The following DPYD variants were observed in gnomAD, a reference collection of about 807,000 sequenced individuals.
DPYD encodes dihydropyrimidine dehydrogenase [NADP(+)].
DPYD carries 109 observed loss-of-function variants against 116.2 expected under a neutral mutation model. The ratio of observed to expected loss-of-function variants is 0.94; its 90% CI spans 0.80 to 1.10. The LOEUF (loss-of-function observed/expected upper bound fraction) is 1.10, where lower values mean the gene tolerates loss of function less well. Among genes scored for constraint, DPYD ranks in the 50% least tolerant of loss-of-function variants. DPYD has a pLI of 0.00. For missense variants in DPYD, 1,302 were observed against 1,254.5 expected, an observed-to-expected ratio of 1.04 and a Z score of -0.57; for synonymous variants, 440 against 432.0, an observed-to-expected ratio of 1.02 and a Z score of -0.23.
intron 2 of DPYD, among the ~76,000 whole-genome samples, chr1:97,876,509 C>A (rs1225214822): frequency 6.6e-6 from 1 of 151,974 alleles, no homozygotes; most frequent in African/African-American, 2.4e-5. Context: ...TCTTTCCCAT[C>A]CCAAATAGGA....
intron 14 of DPYD, among the ~76,000 whole-genome samples, chr1:97,387,577 C>T (rs1004559900): frequency 6.6e-6 from 1 of 151,992 alleles, no homozygotes; most frequent in Admixed American, 6.6e-5. Flanking sequence ...AGGAGGAGAG[C>T]ATGACAGAGA....
chr1:97,344,188 A>AAGAG (rs372083791), intron 16 of DPYD, among the ~76,000 whole-genome samples: 27 of 151,082 alleles, frequency 1.8e-4, no homozygotes, highest in African/African-American at 2.7e-4. Flanking sequence ...AAATAAAAAA[A>AAGAG]AGAGAGAGAG....
intron 20 of DPYD, among the ~76,000 whole-genome samples, chr1:97,110,436 G>A (rs141915525): frequency 3.9e-5 from 6 of 152,052 alleles, no homozygotes; most frequent in East Asian, 3.9e-4. Flanking sequence ...TCCACCTCAC[G>A]TACCCTGTGA....
intron 21 of DPYD, among the ~76,000 whole-genome samples, chr1:97,085,293 C>T (rs1290613301): frequency 6.6e-6 from 1 of 152,124 alleles, no homozygotes; most frequent in East Asian, 1.9e-4. Context: ...GTGTATAAGC[C>T]TTCTTCAAAA....
At chr1:97,397,956 T>G (rs553129528) in intron 14 of DPYD, among the ~76,000 whole-genome samples, 1 of 147,672 alleles carries the variant, frequency 6.8e-6, no homozygotes, top group Non-Finnish European at 1.5e-5. Context: ...TTTTTTTTTT[T>G]AAATTATACT....
chr1:97,145,950 T>C (rs1287791312), intron 20 of DPYD, among the ~76,000 whole-genome samples: 2 of 152,032 alleles, frequency 1.3e-5, no homozygotes, highest in Non-Finnish European at 2.9e-5. Flanking sequence ...AAGGCTTCAA[T>C]TGAGTCTACT....
At chr1:97,325,496 C>T (rs752788724) in intron 16 of DPYD, among the ~76,000 whole-genome samples, 1 of 152,038 alleles carries the variant, frequency 6.6e-6, no homozygotes, top group South Asian at 2.1e-4. Flanking sequence ...TGAGCACTTG[C>T]AACTATCCTG....
At chr1:97,614,513 C>A (rs560417532) in intron 8 of DPYD, among the ~76,000 whole-genome samples, 23 of 152,086 alleles carry the variant, frequency 1.5e-4, no homozygotes, top group African/African-American at 5.5e-4. Context: ...GGACAATTAG[C>A]CCCTAGAAGG....
At chr1:97,137,342 T>C (rs11165789) in intron 20 of DPYD, among the ~76,000 whole-genome samples, 23,659 of 152,250 alleles carry the variant, frequency 0.16, 2,083 homozygotes, top group East Asian at 0.31. Flanking sequence ...TTTAATGTGG[T>C]TGTTAAATTT....
At chr1:97,587,740 C>T (rs1159669893) in intron 10 of DPYD, among the ~76,000 whole-genome samples, 2 of 149,258 alleles carry the variant, frequency 1.3e-5, no homozygotes, top group East Asian at 4.0e-4. Context: ...AGGAGAATGG[C>T]GTGAACCCGG....
intron 12 of DPYD, among the ~76,000 whole-genome samples, chr1:97,531,173 T>C (rs1401221486): frequency 2.0e-5 from 3 of 152,192 alleles, no homozygotes; most frequent in Non-Finnish European, 4.4e-5. Flanking sequence ...TGGTGTCATA[T>C]CCATGAAATT....
intron 19 of DPYD, among the ~76,000 whole-genome samples, chr1:97,205,797 A>AATGTCTGG (rs1184529611): frequency 2.0e-5 from 3 of 151,998 alleles, no homozygotes; most frequent in African/African-American, 7.2e-5. Flanking sequence ...TAGAAACCCT[A>AATGTCTGG]CTGCTGGAGT....
At chr1:97,877,570 A>G (rs1457850980) in intron 2 of DPYD, among the ~76,000 whole-genome samples, 2 of 152,010 alleles carry the variant, frequency 1.3e-5, no homozygotes. Flanking sequence ...AGTTGCAAAG[A>G]ATCTGTTTTT....
At chr1:97,768,057 T>C (rs559173033) in intron 3 of DPYD, among the ~76,000 whole-genome samples, 1 of 152,248 alleles carries the variant, frequency 6.6e-6, no homozygotes, top group Admixed American at 6.5e-5. Flanking sequence ...AATGCTCAAG[T>C]AAAGAAGGAC....
intron 20 of DPYD, among the ~76,000 whole-genome samples, chr1:97,141,828 G>A (rs527532143): frequency 2.0e-4 from 30 of 152,198 alleles, no homozygotes; most frequent in African/African-American, 5.5e-4. Context: ...CCTCTGTGTC[G>A]TGTTAACTGG....
intron 5 of DPYD, among the ~76,000 whole-genome samples, chr1:97,719,494 T>C (rs1350129082): frequency 1.3e-5 from 2 of 151,956 alleles, no homozygotes; most frequent in Non-Finnish European, 2.9e-5. Context: ...ACAATCAAAA[T>C]ATAAAATTAT....
chr1:97,287,584 A>G (rs1406385772), intron 18 of DPYD, among the ~76,000 whole-genome samples: 1 of 152,186 alleles, frequency 6.6e-6, no homozygotes, highest in Non-Finnish European at 1.5e-5. Context: ...GGCTCCACCC[A>G]GTTGGAGCTT....
At chr1:97,132,929 C>T (rs1475713227) in intron 20 of DPYD, among the ~76,000 whole-genome samples, 1 of 152,040 alleles carries the variant, frequency 6.6e-6, no homozygotes, top group African/African-American at 2.4e-5. Context: ...ATATTTATGA[C>T]ATCAACAGTT....
intron 8 of DPYD, among the ~76,000 whole-genome samples, chr1:97,643,635 T>C (rs986048007): frequency 4.6e-5 from 7 of 152,136 alleles, no homozygotes; most frequent in Non-Finnish European, 7.3e-5. Flanking sequence ...CATGCACATG[T>C]ATATTTATTG....
Sources: allele counts gnomAD v4.1 joint callset (sites outside exome capture counted in the v4.1 genomes callset), GRCh38; gene constraint gnomAD v4.1.1; transcripts MANE v1.5; gene names NCBI Gene and HGNC (gene_info 2026-07-23, HGNC 2026-07-21).